PPP1R9A: variants seen among roughly 807,000 people sequenced by gnomAD.
PPP1R9A encodes neurabin-1.
A neutral mutation model predicts 141.9 loss-of-function variants in PPP1R9A; 59 were observed. The ratio of observed to expected loss-of-function variants is 0.42; its 90% CI spans 0.34 to 0.52. The LOEUF (loss-of-function observed/expected upper bound fraction) is 0.52. PPP1R9A is among the 20% of genes least tolerant of loss of function. The pLI, the probability that PPP1R9A is intolerant of heterozygous loss-of-function variation, is 0.10. For synonymous variants in PPP1R9A, 500 were observed against 569.7 expected (o/e 0.88, Z 1.74); for missense variants, 1,444 against 1,611.9 (o/e 0.90, Z 1.78).
chr7:95,295,796 A>G lies in PPP1R9A; in HGVS notation c.*5493A>G, dbSNP rs1807023589. On this transcript the variant is annotated 3_prime_UTR_variant, in exon 20 of 20. Coordinates refer to ENST00000433360, the MANE Select transcript of PPP1R9A (RefSeq NM_001166160.2). Reference sequence around the variant, plus strand: ...AAGAATTAAGAGGCACTCCAGCCAGATAACACCTCCCAACAACATGAAATT... The same window carrying G: ...AAGAATTAAGAGGCACTCCAGCCAGGTAACACCTCCCAACAACATGAAATT... 1 of 152,552 alleles carries G rather than the reference A, an allele frequency of 6.6e-6. No homozygotes were observed. Among genetic ancestry groups the G allele is most frequent in the African/African-American group, 2.4e-5 (1 of 41,466 alleles). The allele number at this position is 152,552 out of a possible 1,614,324, so 9.4% of individuals were successfully genotyped here.
intron 2 of PPP1R9A, among the ~76,000 whole-genome samples, chr7:95,017,056 A>G (rs1805211016): frequency 6.6e-6 from 1 of 152,174 alleles, no homozygotes; most frequent in Admixed American, 6.6e-5. Flanking sequence ...CTGGAATTAT[A>G]TTCCCTCAAG....
chr7:95,202,634 G>A, intron 6 of PPP1R9A: 2 of 897,752 alleles, frequency 2.2e-6, no homozygotes, highest in South Asian at 5.1e-5. Flanking sequence ...CACTCGGGGG[G>A]TATGATAAAT....
chr7:95,130,615 T>G (rs563575773), intron 4 of PPP1R9A, among the ~76,000 whole-genome samples: 1 of 152,198 alleles, frequency 6.6e-6, no homozygotes, highest in Admixed American at 6.5e-5. Flanking sequence ...ACTCTATGCC[T>G]GGAAAAGCCA....
At chr7:95,032,833 A>C (rs1807874714) in intron 2 of PPP1R9A, among the ~76,000 whole-genome samples, 2 of 152,132 alleles carry the variant, frequency 1.3e-5, no homozygotes, top group Non-Finnish European at 2.9e-5. Flanking sequence ...ACACCTGTGT[A>C]AACCACCTCC....
intron 16 of PPP1R9A, among the ~76,000 whole-genome samples, chr7:95,276,376 C>T (rs868436830): frequency 6.6e-6 from 1 of 152,178 alleles, no homozygotes. Flanking sequence ...TCACTATAGG[C>T]AAAACCACAG....
At chr7:95,012,066 TAATAGTTTCTA>T (rs1438721368) in intron 2 of PPP1R9A, among the ~76,000 whole-genome samples, 2 of 152,156 alleles carry the variant, frequency 1.3e-5, no homozygotes, top group Non-Finnish European at 2.9e-5. Context: ...CTATAGCAGT[TAATAGTTTCTA>T]AATAGTTTCC....
At chr7:95,198,271 A>T in intron 5 of PPP1R9A, 78 bp from the exon 6 acceptor site, 1 of 1,397,106 alleles carries the variant, frequency 7.2e-7, no homozygotes, top group Non-Finnish European at 9.6e-7. Flanking sequence ...CCCTGCTGAG[A>T]TCAAACCTGT....
intron 16 of PPP1R9A, among the ~76,000 whole-genome samples, 151 bp downstream of exon 16, chr7:95,274,319 T>C (rs1222040031): frequency 6.6e-6 from 1 of 152,230 alleles, no homozygotes; most frequent in Non-Finnish European, 1.5e-5. Context: ...AATTAGTTTA[T>C]ATTGGTCTTA....
chr7:94,909,914 G>T lies in PPP1R9A; in HGVS notation c.-200G>T. The T allele has an allele frequency of 2.2e-6, 1 of 459,518 alleles. No homozygotes were observed. The allele number at this position is 459,518 out of a possible 1,614,324, so 28.5% of individuals were successfully genotyped here. A position where few individuals can be genotyped will look rare whatever the true frequency, so the allele number is the denominator to read the frequency against. ...CTATTGCAGATGAACCTCTAGTCTTGCTTTGAAAAAATCATTCTGTGTAAC... is the reference window on the plus strand; with the variant it reads ...CTATTGCAGATGAACCTCTAGTCTTTCTTTGAAAAAATCATTCTGTGTAAC... On this transcript the variant is annotated 5_prime_UTR_variant, in exon 2 of 20. Transcript: ENST00000433360.
intron 2 of PPP1R9A, among the ~76,000 whole-genome samples, chr7:94,990,034 T>A (rs1220626688): frequency 3.9e-5 from 6 of 152,154 alleles, no homozygotes; most frequent in Admixed American, 6.6e-5. Context: ...TAATAGGGCT[T>A]ATCTTTAGTC....
rs897796125 is a variant in PPP1R9A at position 95,149,741 on chromosome 7, A to T, written c.1650-12126A>T. On this transcript the variant is annotated intron_variant, in intron 4 of 19. Coordinates refer to ENST00000433360, the MANE Select transcript of PPP1R9A (RefSeq NM_001166160.2). The stretch of plus-strand genomic sequence containing the variant: ...TTTGAAATAATTAATAAATGGTAAG[A>T]TATTCTACATTCATGGATAAGAAGA... Among the ~76,000 whole-genome samples the T allele has an allele frequency of 9.2e-5, 14 of 151,466 alleles. No homozygotes were observed. The Admixed American group carries it at 9.3e-4, about 10-fold the overall frequency.
At chr7:95,001,967 C>T (rs895814730) in intron 2 of PPP1R9A, among the ~76,000 whole-genome samples, 14 of 152,152 alleles carry the variant, frequency 9.2e-5, no homozygotes, top group African/African-American at 3.1e-4. Context: ...TTTTAGTGTT[C>T]GTGTGAGTGT....
In PPP1R9A at chr7:95,191,369, G is replaced by A. The variant is rs535502074; in HGVS notation, c.1755-6980G>A. Among the ~76,000 whole-genome samples the A allele has an allele frequency of 1.8e-4, 27 of 152,276 alleles. No homozygotes were observed. In the South Asian group the frequency reaches 5.0e-3, roughly 28 times the overall value. ...AATTGACATAATGATTGCATATATTGAAGTGGTACATAATTATGTTTTGAT... is the reference window on the plus strand; with the variant it reads ...AATTGACATAATGATTGCATATATTAAAGTGGTACATAATTATGTTTTGAT... On this transcript the variant is annotated intron_variant, in intron 5 of 19. Coordinates refer to ENST00000433360, the MANE Select transcript of PPP1R9A (RefSeq NM_001166160.2).
intron 2 of PPP1R9A, among the ~76,000 whole-genome samples, chr7:95,056,685 G>C (rs1474747710): frequency 6.6e-6 from 1 of 152,088 alleles, no homozygotes; most frequent in Non-Finnish European, 1.5e-5. Flanking sequence ...TTTGCCTGAA[G>C]TAATACTAAT....
At chr7:95,037,701 G>T (rs753822751) in intron 2 of PPP1R9A, among the ~76,000 whole-genome samples, 1 of 151,994 alleles carries the variant, frequency 6.6e-6, no homozygotes, top group Non-Finnish European at 1.5e-5. Context: ...GTGTGTGTGC[G>T]TGCGCGCGTG....
intron 4 of PPP1R9A, 37 bp downstream of exon 4, chr7:95,120,869 T>C (rs746041678): frequency 1.6e-5 from 25 of 1,576,570 alleles, no homozygotes; most frequent in Non-Finnish European, 2.2e-5. Flanking sequence ...TTAAAATCTT[T>C]AGAGAACTTT....
At chr7:95,261,438 A>G (rs1284333007) in intron 12 of PPP1R9A, among the ~76,000 whole-genome samples, 1 of 152,210 alleles carries the variant, frequency 6.6e-6, no homozygotes, top group Non-Finnish European at 1.5e-5. Flanking sequence ...TAAGGAATAA[A>G]TCCACTTACA....
At chr7:95,119,944 ATATACTATC>A (rs968126184) in intron 3 of PPP1R9A, among the ~76,000 whole-genome samples, 3 of 143,530 alleles carry the variant, frequency 2.1e-5, no homozygotes, top group African/African-American at 7.8e-5. Flanking sequence ...AAGTACTCAA[ATATACTATC>A]TTTTTTTTTT....
intron 2 of PPP1R9A, among the ~76,000 whole-genome samples, chr7:94,985,488 C>T (rs189546076): frequency 1.1e-3 from 170 of 152,052 alleles, no homozygotes; most frequent in Non-Finnish European, 2.0e-3. Flanking sequence ...CAGGACTTAC[C>T]TTATGAATCT....
Sources: allele counts gnomAD v4.1 joint callset (sites outside exome capture counted in the v4.1 genomes callset), GRCh38; gene constraint gnomAD v4.1.1; transcripts MANE v1.5; gene names NCBI Gene and HGNC (gene_info 2026-07-23, HGNC 2026-07-21).